PSEN1: variants seen among roughly 807,000 people sequenced by gnomAD.
PSEN1 encodes the protein presenilin 1.
A neutral mutation model predicts 53.5 loss-of-function variants in PSEN1; 15 were observed. That is an observed-to-expected ratio of 0.28 (90% CI 0.19 to 0.43). The LOEUF (loss-of-function observed/expected upper bound fraction) is 0.43. PSEN1 is among the 20% of genes least tolerant of loss of function. PSEN1 has a pLI of 1.00. For synonymous variants in PSEN1, 208 were observed against 209.8 expected (o/e 0.99, Z 0.08); for missense variants, 387 against 571.2 (o/e 0.68, Z 3.29).
Position 73,174,608 on chromosome 14 carries a change from C to T in PSEN1, c.480+901C>T, listed in dbSNP as rs371870381. On this transcript the variant is annotated intron_variant, in intron 5 of 11. Coordinates refer to ENST00000324501, the MANE Select transcript of PSEN1 (RefSeq NM_000021.4). ...TAAGACCTTTATGAATCTCCTCATT[C>T]ACAAATAACACTGTAGGATATAATG... Among the ~76,000 whole-genome samples the T allele has an allele frequency of 8.5e-5, 13 of 152,288 alleles. No individual in the cohort carries two copies. The East Asian group carries it at 2.3e-3, about 27-fold the overall frequency.
chr14:73,201,152 G>A (rs1326397429), intron 8 of PSEN1, among the ~76,000 whole-genome samples: 1 of 152,044 alleles, frequency 6.6e-6, no homozygotes. Context: ...TCAGTGGGGC[G>A]ATCTCGGCTC....
intron 6 of PSEN1, 24 bp downstream of exon 6, chr14:73,186,944 G>GT: frequency 6.4e-7 from 1 of 1,569,446 alleles, no homozygotes. Flanking sequence ...TTTTTGGTCT[G>GT]TCTTTCAGAA....
intron 5 of PSEN1, among the ~76,000 whole-genome samples, chr14:73,184,590 G>A (rs1898396086): frequency 7.3e-6 from 1 of 137,156 alleles, no homozygotes; most frequent in East Asian, 2.4e-4. Context: ...CAGTAGGGGC[G>A]GCCGGGCAGA....
At chr14:73,160,568 TTC>T (rs1897498603) in intron 3 of PSEN1, among the ~76,000 whole-genome samples, 1 of 152,164 alleles carries the variant, frequency 6.6e-6, no homozygotes, top group Admixed American at 6.5e-5. Context: ...GCTTGTTACT[TTC>T]TGTTTTTTGG....
chr14:73,183,187 A>G (rs1468420686), intron 5 of PSEN1, among the ~76,000 whole-genome samples: 1 of 152,144 alleles, frequency 6.6e-6, no homozygotes, highest in African/African-American at 2.4e-5. Flanking sequence ...GTGCGATCTC[A>G]GCTCTCCACA....
intron 10 of PSEN1, 64 bp downstream of exon 10, chr14:73,212,006 T>C: frequency 1.4e-6 from 2 of 1,448,990 alleles, no homozygotes; most frequent in South Asian, 1.2e-5. Context: ...TATCAACCTT[T>C]TTGAGAATAA....
chr14:73,193,272 T>C (rs924465769), intron 7 of PSEN1, among the ~76,000 whole-genome samples: 3 of 152,106 alleles, frequency 2.0e-5, no homozygotes, highest in Non-Finnish European at 4.4e-5. Context: ...ATTGCATCAC[T>C]GTATTCCAGC....
At chr14:73,203,657 A>G (rs1899323370) in intron 8 of PSEN1, among the ~76,000 whole-genome samples, 1 of 152,072 alleles carries the variant, frequency 6.6e-6, no homozygotes, top group African/African-American at 2.4e-5. Context: ...ATGTATGAGC[A>G]TTTTTGTTTT....
chr14:73,217,703 G>A (rs1250639476), intron 11 of PSEN1, among the ~76,000 whole-genome samples: 4 of 152,038 alleles, frequency 2.6e-5, no homozygotes, highest in Non-Finnish European at 5.9e-5. Flanking sequence ...AAGACAGCAA[G>A]CATCTAGTGA....
At chr14:73,183,606 G>T (rs1299599382) in intron 5 of PSEN1, among the ~76,000 whole-genome samples, 1 of 152,136 alleles carries the variant, frequency 6.6e-6, no homozygotes, top group African/African-American at 2.4e-5. Flanking sequence ...GAGAGCACAG[G>T]GTTGGGGGTA....
intron 8 of PSEN1, among the ~76,000 whole-genome samples, chr14:73,202,448 ATATATATATATATATTTTTTTTT>A (rs1899251359): frequency 1.3e-4 from 2 of 15,146 alleles, no homozygotes; most frequent in Non-Finnish European, 2.3e-4. Context: ...ATATATATAT[ATATATATATATATATTTTTTTTT>A]TTTTTTTTTT....
intron 6 of PSEN1, among the ~76,000 whole-genome samples, chr14:73,187,834 C>T (rs945030362): frequency 6.6e-6 from 1 of 152,122 alleles, no homozygotes; most frequent in African/African-American, 2.4e-5. Context: ...ATAACTAAAG[C>T]CCTGCAAGTT....
In PSEN1 at chr14:73,221,861, C is replaced by G. The variant is rs1368956029; in HGVS notation, c.*2572C>G. 3 of 152,216 alleles carry G rather than the reference C, an allele frequency of 2.0e-5. No homozygotes were observed. Among genetic ancestry groups the G allele is most frequent in the Non-Finnish European group, 4.4e-5 (3 of 68,036 alleles). 9.4% of individuals were successfully genotyped at this position (152,216 alleles called of 1,614,324 possible). Reference sequence around the variant, plus strand: ...AGCAATTTCCATAAGGATGTGCCTTCACTCACACGGGACAGGCGGTGGTTA... The same window carrying G: ...AGCAATTTCCATAAGGATGTGCCTTGACTCACACGGGACAGGCGGTGGTTA... On this transcript the variant is annotated 3_prime_UTR_variant, in exon 12 of 12. Coordinates refer to ENST00000324501, the MANE Select transcript of PSEN1 (RefSeq NM_000021.4).
intron 6 of PSEN1, 40 bp downstream of exon 6, chr14:73,186,960 T>C: frequency 7.0e-7 from 1 of 1,436,760 alleles, no homozygotes; most frequent in Non-Finnish European, 9.8e-7. Flanking sequence ...CAGAATTAAC[T>C]ACCTTTGTGC....
intron 5 of PSEN1, among the ~76,000 whole-genome samples, chr14:73,177,187 T>G (rs1898070502): frequency 6.6e-6 from 1 of 152,352 alleles, no homozygotes; most frequent in African/African-American, 2.4e-5. Context: ...GAAATTATAT[T>G]TTAATCTCAT....
At chr14:73,161,603 C>G (rs1486117804) in intron 3 of PSEN1, among the ~76,000 whole-genome samples, 1 of 152,204 alleles carries the variant, frequency 6.6e-6, no homozygotes, top group Non-Finnish European at 1.5e-5. Context: ...CAGGCTCAAG[C>G]TGTCAATAGT....
intron 3 of PSEN1, among the ~76,000 whole-genome samples, chr14:73,155,260 A>G (rs1198604165): frequency 1.3e-5 from 2 of 152,152 alleles, no homozygotes; most frequent in Non-Finnish European, 2.9e-5. Flanking sequence ...CCATTCTAGA[A>G]CTTCTTAGCA....
At chr14:73,146,437 T>G (rs1307984462) in intron 1 of PSEN1, among the ~76,000 whole-genome samples, 2 of 152,132 alleles carry the variant, frequency 1.3e-5, no homozygotes, top group Non-Finnish European at 2.9e-5. Flanking sequence ...AGCTCTTTAT[T>G]TTTTAAGCAA....
chr14:73,222,161 G>A lies in PSEN1; in HGVS notation c.*2872G>A, dbSNP rs1275403233. On this transcript the variant is annotated 3_prime_UTR_variant, in exon 12 of 12. Transcript: ENST00000324501. The stretch of plus-strand genomic sequence containing the variant: ...TGTGTGTTCCTAGAATCACAGCTCT[G>A]ACTCCAAATGACTCAATTTCTCAAT... 6.6e-6 allele frequency: 1 copy of A among 152,070 alleles called. No homozygotes were observed. The highest frequency in any genetic ancestry group is 1.5e-5 in the Non-Finnish European group (1 of 68,034). 9.4% of individuals were successfully genotyped at this position (152,070 alleles called of 1,614,324 possible). A position where few individuals can be genotyped will look rare whatever the true frequency, so the allele number is the denominator to read the frequency against.
Sources: allele counts gnomAD v4.1 joint callset (sites outside exome capture counted in the v4.1 genomes callset), GRCh38; gene constraint gnomAD v4.1.1; transcripts MANE v1.5; gene names NCBI Gene and HGNC (gene_info 2026-07-23, HGNC 2026-07-21).